Variants in ZNF609 observed in about 807,000 individuals in gnomAD.
ZNF609 encodes the protein zinc finger protein 609.
In ZNF609, 11 loss-of-function variants were observed where a neutral mutation model predicts 109.5. The ratio of observed to expected loss-of-function variants is 0.10; its 90% CI spans 0.06 to 0.17. The LOEUF is 0.17. Ranked by LOEUF, ZNF609 falls within the 10% of genes least tolerant of loss-of-function variation. The pLI, the probability that ZNF609 is intolerant of heterozygous loss-of-function variation, is 1.00. For synonymous variants in ZNF609, 646 were observed against 662.0 expected, an observed-to-expected ratio of 0.98 and a Z score of 0.37; for missense variants, 1,559 against 1,772.4, an observed-to-expected ratio of 0.88 and a Z score of 2.16.
At chr15:64,496,278 C>A (rs1893481050) in intron 1 of ZNF609, among the ~76,000 whole-genome samples, 1 of 152,204 alleles carries the variant, frequency 6.6e-6, no homozygotes, top group Non-Finnish European at 1.5e-5. Flanking sequence ...CAGAGTCTCT[C>A]TTCCGTTACC....
intron 1 of ZNF609, among the ~76,000 whole-genome samples, chr15:64,463,841 TG>T (rs1189649477): frequency 1.3e-5 from 2 of 152,250 alleles, no homozygotes. Flanking sequence ...TCAGCTAAAC[TG>T]AGTCCAAAGC....
chr15:64,587,276 G>GA (rs1182135248), intron 2 of ZNF609, among the ~76,000 whole-genome samples: 2 of 152,104 alleles, frequency 1.3e-5, no homozygotes, highest in Non-Finnish European at 2.9e-5. Context: ...AGAGGTCGAG[G>GA]AAAAAATCCT....
intron 2 of ZNF609, among the ~76,000 whole-genome samples, chr15:64,598,698 A>C (rs965636785): frequency 1.4e-5 from 2 of 144,378 alleles, no homozygotes; most frequent in Non-Finnish European, 3.0e-5. Context: ...TTGGCTATTA[A>C]AAACAACATT....
intron 2 of ZNF609, among the ~76,000 whole-genome samples, chr15:64,522,965 T>A (rs970220195): frequency 5.4e-5 from 5 of 92,036 alleles, no homozygotes; most frequent in African/African-American, 1.0e-4. Context: ...TTTAATACAT[T>A]GTGGTTAAAA....
At position 64,685,446 on chromosome 15, in the gene ZNF609, GC is replaced by G. The variant is rs1336850786; in HGVS notation, c.*3762del. ...GTTGAATCCAGTGTCCAGACTACCT[GC>G]CTTGTAACCCTTTTCTGCCCAGCAT... On this transcript the variant is annotated 3_prime_UTR_variant, in exon 10 of 10. Coordinates refer to ENST00000326648, the MANE Select transcript of ZNF609 (RefSeq NM_015042.2). 6.5e-6 allele frequency: 1 copy of G among 152,756 alleles called. No individual in the cohort carries two copies. Among genetic ancestry groups the G allele is most frequent in the African/African-American group, 2.4e-5 (1 of 41,390 alleles). 9.5% of individuals were successfully genotyped at this position (152,756 alleles called of 1,614,324 possible).
chr15:64,604,843 A>T (rs865796139), intron 2 of ZNF609, among the ~76,000 whole-genome samples: 3 of 151,558 alleles, frequency 2.0e-5, no homozygotes, highest in African/African-American at 7.3e-5. Flanking sequence ...TTATTTATTT[A>T]TTTTTTGAGA....
At chr15:64,619,798 A>G (rs80078965) in intron 2 of ZNF609, among the ~76,000 whole-genome samples, 2,163 of 152,300 alleles carry the variant, frequency 0.014, 22 homozygotes, top group Non-Finnish European at 0.023. Context: ...CACTTATTGT[A>G]TAGCAGGGTA....
intron 2 of ZNF609, among the ~76,000 whole-genome samples, chr15:64,510,386 T>A (rs1031330865): frequency 4.0e-5 from 6 of 151,658 alleles, no homozygotes; most frequent in African/African-American, 7.3e-5. Flanking sequence ...TAATTTTTTT[T>A]ATACAGTTGG....
rs557898286 is a variant in ZNF609 at position 64,657,135 on chromosome 15, T to G, written c.974-13211T>G. 2.6e-5 allele frequency among the ~76,000 whole-genome samples: 4 copies of G among 152,046 alleles called. No individual in the cohort carries two copies. The East Asian group carries it at 7.7e-4, about 29-fold the overall frequency. On this transcript the variant is annotated intron_variant, in intron 3 of 9. Coordinates refer to ENST00000326648, the MANE Select transcript of ZNF609 (RefSeq NM_015042.2). ...TTAGCCGGGCATGGTGATGCGTGCC[T>G]GTAGTCCCAGCTACTTGGGAGGCTG...
chr15:64,624,245 C>G (rs1175777791), intron 3 of ZNF609, among the ~76,000 whole-genome samples: 2 of 152,144 alleles, frequency 1.3e-5, no homozygotes, highest in Non-Finnish European at 2.9e-5. Flanking sequence ...GAAGCTGATG[C>G]AGAGAAGGTA....
At chr15:64,475,730 T>C (rs577728130) in intron 1 of ZNF609, among the ~76,000 whole-genome samples, 1 of 152,286 alleles carries the variant, frequency 6.6e-6, no homozygotes, top group East Asian at 1.9e-4. Context: ...TGAATATATT[T>C]TCTTCATCCC....
intron 3 of ZNF609, among the ~76,000 whole-genome samples, chr15:64,660,817 A>G (rs1354406120): frequency 9.9e-5 from 15 of 152,166 alleles, no homozygotes. Context: ...CACCTCTTAC[A>G]GGTTTCTCTG....
At chr15:64,558,433 A>G (rs927210268) in intron 2 of ZNF609, among the ~76,000 whole-genome samples, 1 of 152,218 alleles carries the variant, frequency 6.6e-6, no homozygotes, top group African/African-American at 2.4e-5. Flanking sequence ...AGGTAAATAT[A>G]TGGAATACTC....
At chr15:64,599,808 A>G (rs1275517691) in intron 2 of ZNF609, among the ~76,000 whole-genome samples, 2 of 152,160 alleles carry the variant, frequency 1.3e-5, no homozygotes, top group African/African-American at 2.4e-5. Context: ...TGTTCTTTAA[A>G]TACATTGTGT....
intron 1 of ZNF609, among the ~76,000 whole-genome samples, chr15:64,493,730 A>C (rs368139820): frequency 6.6e-6 from 1 of 152,238 alleles, no homozygotes; most frequent in Admixed American, 6.5e-5. Flanking sequence ...GCAAGTTGTT[A>C]AATGCCTTGT....
intron 3 of ZNF609, among the ~76,000 whole-genome samples, chr15:64,657,787 T>C (rs1351528700): frequency 1.3e-5 from 2 of 152,092 alleles, no homozygotes; most frequent in Non-Finnish European, 2.9e-5. Flanking sequence ...AGGAAGACAT[T>C]ATTCAGAGAT....
intron 2 of ZNF609, among the ~76,000 whole-genome samples, chr15:64,523,273 T>C (rs1386544741): frequency 6.6e-6 from 1 of 152,192 alleles, no homozygotes; most frequent in Non-Finnish European, 1.5e-5. Context: ...ATAGATTTTA[T>C]TTTCATGTAA....
In ZNF609 at chr15:64,678,602, C is replaced by T. The variant is rs1234134184; in HGVS notation, c.3769+120C>T. The T allele has an allele frequency of 3.6e-6, 5 of 1,378,124 alleles. 1 individual carries two copies. The East Asian group carries it at 1.2e-4, about 33-fold the overall frequency. 85.4% of individuals were successfully genotyped at this position (1,378,124 alleles called of 1,614,324 possible). A position where few individuals can be genotyped will look rare whatever the true frequency, so the allele number is the denominator to read the frequency against. Reference sequence around the variant, plus strand: ...TATTGAGGCTCGCTTAGATGACGGACCTTTTTTCACTGAGTCATTCTGTGA... The same window carrying T: ...TATTGAGGCTCGCTTAGATGACGGATCTTTTTTCACTGAGTCATTCTGTGA... On this transcript the variant is annotated intron_variant, in intron 6 of 9. Transcript: ENST00000326648.
At chr15:64,541,468 G>A (rs1351161178) in intron 2 of ZNF609, among the ~76,000 whole-genome samples, 1 of 150,322 alleles carries the variant, frequency 6.7e-6, no homozygotes, top group Non-Finnish European at 1.5e-5. Context: ...TCTGAAAAGA[G>A]AATAATTGGC....
Sources: allele counts gnomAD v4.1 joint callset (sites outside exome capture counted in the v4.1 genomes callset), GRCh38; gene constraint gnomAD v4.1.1; transcripts MANE v1.5; gene names NCBI Gene and HGNC (gene_info 2026-07-23, HGNC 2026-07-21).